The following MED14 variants were observed in gnomAD, a reference collection of about 807,000 sequenced individuals.
The protein encoded by MED14 is mediator of RNA polymerase II transcription subunit 14.
MED14 carries 8 observed loss-of-function variants against 109.0 expected under a neutral mutation model. The ratio of observed to expected loss-of-function variants is 0.07; its 90% CI spans 0.04 to 0.13. The LOEUF (loss-of-function observed/expected upper bound fraction) is 0.13. Ranked by LOEUF, MED14 falls within the 10% of genes least tolerant of loss-of-function variation. MED14 has a pLI of 1.00. For missense variants in MED14, 711 were observed against 1,142.4 expected, an observed-to-expected ratio of 0.62 and a Z score of 5.44; for synonymous variants, 399 against 408.7, an observed-to-expected ratio of 0.98 and a Z score of 0.29.
intron 8 of MED14, 114 bp downstream of exon 8, chrX:40,711,055 G>A: frequency 2.3e-6 from 2 of 872,281 alleles, no homozygotes; most frequent in Admixed American, 6.0e-5. Flanking sequence ...CACAATTCAA[G>A]CTTGTGTTGT....
intron 3 of MED14, among the ~76,000 whole-genome samples, chrX:40,721,014 G>A (rs192346264): frequency 9.0e-6 from 1 of 111,070 alleles, no homozygotes; most frequent in Non-Finnish European, 1.9e-5. Flanking sequence ...AGTATGCCGT[G>A]GACCTTGGGC....
chrX:40,666,289 C>T (rs1450402663), intron 24 of MED14, among the ~76,000 whole-genome samples: 1 of 110,130 alleles, frequency 9.1e-6, no homozygotes, highest in Admixed American at 9.8e-5. Context: ...TATTTTTTAT[C>T]TAGTTGAATC....
intron 20 of MED14, 109 bp downstream of exon 20, chrX:40,680,649 C>A: frequency 1.5e-6 from 1 of 650,769 alleles, no homozygotes; most frequent in Non-Finnish European, 2.3e-6. Context: ...AACTCCTGAG[C>A]ACAAGCAATC....
chrX:40,690,895 C>G (rs1326769114), intron 15 of MED14, among the ~76,000 whole-genome samples: 1 of 112,138 alleles, frequency 8.9e-6, no homozygotes, highest in Non-Finnish European at 1.9e-5. Context: ...TTTCCCAATC[C>G]CTGTTCTAAA....
At chrX:40,730,835 T>G (rs1412465649) in intron 1 of MED14, among the ~76,000 whole-genome samples, 2 of 98,544 alleles carry the variant, frequency 2.0e-5, no homozygotes, top group Non-Finnish European at 4.0e-5. Flanking sequence ...TAAAAGAAGT[T>G]TAAAAAAAAG....
chrX:40,735,332 G>A lies in MED14; in HGVS notation c.81C>T (p.Ala27=), dbSNP rs1288110375. ...GGGGSGGPPS[A]PAPPPPGAAV... is the part of the protein sequence containing the mutation. ...CGGCTCCCGGGGGAGGAGGGGCTGG[G>A]GCTGACGGGGGTCCGCCGCTGCCCC... Residue 27 remains alanine, a synonymous_variant, in exon 1 of 31, where the codon GCC becomes GCT. Transcript: ENST00000324817. 8.7e-5 allele frequency: 95 copies of A among 1,090,827 alleles called. No homozygotes were observed. Among genetic ancestry groups the A allele is most frequent in the Non-Finnish European group, 1.1e-4 (93 of 839,666 alleles). 89.9% of individuals were successfully genotyped at this position (1,090,827 alleles called of 1,213,427 possible).
At position 40,688,043 on chromosome X, in the gene MED14, C is replaced by T. The variant is rs369985238; in HGVS notation, c.2057+411G>A. On this transcript the variant is annotated intron_variant, in intron 16 of 30. Coordinates refer to ENST00000324817, the MANE Select transcript of MED14 (RefSeq NM_004229.4). Reference sequence around the variant, plus strand: ...CAGCCTGGTCAACATGGTGAAACCCCGTCTCTATTAAAAATACACAAAAAC... The same window carrying T: ...CAGCCTGGTCAACATGGTGAAACCCTGTCTCTATTAAAAATACACAAAAAC... Among the ~76,000 whole-genome samples the T allele has an allele frequency of 1.9e-4, 21 of 111,292 alleles. No individual in the cohort carries two copies. The South Asian group carries it at 6.5e-3, about 34-fold the overall frequency.
chrX:40,692,596 G>A, intron 14 of MED14, 112 bp downstream of exon 14: 1 of 733,691 alleles, frequency 1.4e-6, no homozygotes, highest in Non-Finnish European at 2.0e-6. Context: ...CCTTATTGCT[G>A]CCTCGTCTCT....
intron 15 of MED14, 81 bp downstream of exon 15, chrX:40,692,102 G>C: frequency 2.2e-6 from 2 of 912,420 alleles, no homozygotes; most frequent in South Asian, 2.7e-5. Context: ...TTTCCTAATG[G>C]AATCTATATA....
At chrX:40,686,798 T>TA (rs1019918749) in intron 16 of MED14, among the ~76,000 whole-genome samples, 2 of 111,951 alleles carry the variant, frequency 1.8e-5, no homozygotes, top group Admixed American at 9.5e-5. Flanking sequence ...TGGGAAACAA[T>TA]AAAGTGTACC....
At position 40,728,534 on chromosome X, in the gene MED14, TA is replaced by T. The variant is rs760328833; in HGVS notation, c.242+784del. 4.5e-3 allele frequency among the ~76,000 whole-genome samples: 447 copies of T among 100,175 alleles called. 1 individual carries two copies. Among genetic ancestry groups the T allele is most frequent in the African/African-American group, 0.011 (294 of 27,744 alleles). The allele number at this position is 100,175 out of a possible 115,157, so 87.0% of individuals were successfully genotyped here. A position where few individuals can be genotyped will look rare whatever the true frequency, so the allele number is the denominator to read the frequency against. Reference sequence around the variant, plus strand: ...TAAAAAGTTGCCAAGTGATTTGGTATAAAAAAAAAAAAATCAACCAAGGAGC... The same window carrying T: ...TAAAAAGTTGCCAAGTGATTTGGTATAAAAAAAAAAAATCAACCAAGGAGC... On this transcript the variant is annotated intron_variant, in intron 2 of 30. Coordinates refer to ENST00000324817, the MANE Select transcript of MED14 (RefSeq NM_004229.4).
intron 11 of MED14, 117 bp from the exon 12 acceptor site, chrX:40,701,360 T>C (rs1930930549): frequency 2.2e-6 from 1 of 461,808 alleles, no homozygotes; most frequent in Admixed American, 4.5e-5. Context: ...AAAATCATGT[T>C]GTTTTTGAGT....
intron 23 of MED14, among the ~76,000 whole-genome samples, chrX:40,667,180 A>G (rs1335165363): frequency 8.9e-6 from 1 of 112,238 alleles, no homozygotes; most frequent in Non-Finnish European, 1.9e-5. Context: ...TTAACAAAAG[A>G]GACAAAAATT....
At chrX:40,709,753 T>C (rs1356382704) in intron 9 of MED14, among the ~76,000 whole-genome samples, 1 of 111,802 alleles carries the variant, frequency 8.9e-6, no homozygotes, top group East Asian at 2.8e-4. Flanking sequence ...TAAAATGGTA[T>C]CTGATCTAAA....
intron 15 of MED14, among the ~76,000 whole-genome samples, chrX:40,690,450 C>A (rs1271272902): frequency 9.0e-6 from 1 of 111,338 alleles, no homozygotes; most frequent in Non-Finnish European, 1.9e-5. Flanking sequence ...GAAGGAGTCT[C>A]GCTCTGTCAC....
chrX:40,693,208 A>T (rs901246896), intron 13 of MED14, among the ~76,000 whole-genome samples: 1 of 111,683 alleles, frequency 9.0e-6, no homozygotes, highest in Non-Finnish European at 1.9e-5. Context: ...AAATTGAAAA[A>T]AACAAAAACA....
At chrX:40,660,756 T>G (rs959497341) in intron 26 of MED14, among the ~76,000 whole-genome samples, 1 of 112,451 alleles carries the variant, frequency 8.9e-6, no homozygotes, top group South Asian at 3.6e-4. Flanking sequence ...GGTCTGATGA[T>G]TACCATTTTG....
At chrX:40,693,542 C>T (rs1390012964) in intron 13 of MED14, among the ~76,000 whole-genome samples, 2 of 111,621 alleles carry the variant, frequency 1.8e-5, no homozygotes, top group Non-Finnish European at 3.8e-5. Context: ...TCCAATTAAA[C>T]CTCTTTCTTT....
intron 30 of MED14, chrX:40,653,962 A>G (rs1395333477): frequency 7.8e-5 from 10 of 128,842 alleles, no homozygotes; most frequent in Non-Finnish European, 1.4e-4. Context: ...ACCATGAAAT[A>G]TGAGAAACCA....
Sources: allele counts gnomAD v4.1 joint callset (sites outside exome capture counted in the v4.1 genomes callset), GRCh38; gene constraint gnomAD v4.1.1; transcripts MANE v1.5; gene names NCBI Gene and HGNC (gene_info 2026-07-23, HGNC 2026-07-21).